The following CSMD1 variants were observed in gnomAD, a reference collection of about 807,000 sequenced individuals.
The protein encoded by CSMD1 is CUB and Sushi multiple domains 1, also known as CUB and sushi domain-containing protein 1.
Under a neutral mutation model 417.5 loss-of-function variants are expected in CSMD1, and 213 were observed. The observed-to-expected ratio is 0.51, with a 90% CI of 0.46 to 0.57. The LOEUF is 0.57. Among genes scored for constraint, CSMD1 ranks in the 20% least tolerant of loss-of-function variants. The probability of loss-of-function intolerance (pLI) is 0.00; values close to 1 mark genes in which losing one functional copy is unlikely to be tolerated. For synonymous variants in CSMD1, 2,862 were observed against 1,736.8 expected, an observed-to-expected ratio of 1.65 and a Z score of -16.11; for missense variants, 6,923 against 4,529.7, an observed-to-expected ratio of 1.53 and a Z score of -15.17.
At chr8:3,504,692 G>A (rs575598190) in intron 10 of CSMD1, among the ~76,000 whole-genome samples, 27 of 152,056 alleles carry the variant, frequency 1.8e-4, no homozygotes, top group East Asian at 1.7e-3. Context: ...TTGAATTCCC[G>A]GCAAATTTTA....
chr8:3,338,168 A>G, intron 23 of CSMD1, among the ~76,000 whole-genome samples: 1 of 152,294 alleles, frequency 6.6e-6, no homozygotes, highest in Admixed American at 6.5e-5. Flanking sequence ...CACAAGACAC[A>G]ACGTATTTGA....
chr8:4,255,094 C>T (rs1445846076), intron 3 of CSMD1, among the ~76,000 whole-genome samples: 1 of 152,086 alleles, frequency 6.6e-6, no homozygotes, highest in Non-Finnish European at 1.5e-5. Flanking sequence ...TGGTTTAACC[C>T]CTCGGTCTCT....
At chr8:3,879,752 C>T (rs369578812) in intron 5 of CSMD1, among the ~76,000 whole-genome samples, 1 of 152,084 alleles carries the variant, frequency 6.6e-6, no homozygotes, top group African/African-American at 2.4e-5. Flanking sequence ...TGGACTAGCA[C>T]GTTTTTCTAT....
intron 3 of CSMD1, among the ~76,000 whole-genome samples, chr8:4,352,732 G>C (rs868436317): frequency 6.6e-6 from 1 of 152,210 alleles, no homozygotes. Flanking sequence ...CCTCTGTTCT[G>C]AGATTTAAGA....
At chr8:4,321,086 A>G (rs929576127) in intron 3 of CSMD1, among the ~76,000 whole-genome samples, 2 of 152,194 alleles carry the variant, frequency 1.3e-5, no homozygotes, top group Non-Finnish European at 2.9e-5. Context: ...TCATACGCTT[A>G]TATTGAGTTT....
chr8:3,841,231 G>C (rs903684298), intron 5 of CSMD1, among the ~76,000 whole-genome samples: 4 of 152,076 alleles, frequency 2.6e-5, no homozygotes, highest in Non-Finnish European at 4.4e-5. Flanking sequence ...GTTTGGAAAG[G>C]TTTATATTGA....
At chr8:4,379,301 AGAAAGACAAG>A (rs1802950696) in intron 3 of CSMD1, among the ~76,000 whole-genome samples, 1 of 152,342 alleles carries the variant, frequency 6.6e-6, no homozygotes, top group Admixed American at 6.5e-5. Context: ...GTCAAGGTCA[AGAAAGACAAG>A]GAAAGACTAA....
intron 5 of CSMD1, among the ~76,000 whole-genome samples, chr8:3,943,955 T>C (rs566415363): frequency 5.3e-5 from 8 of 152,254 alleles, no homozygotes; most frequent in Admixed American, 2.0e-4. Context: ...TAGGTAAAAT[T>C]TGAATTAGGT....
At chr8:4,438,101 T>G (rs765599343) in intron 2 of CSMD1, among the ~76,000 whole-genome samples, 39 of 152,210 alleles carry the variant, frequency 2.6e-4, no homozygotes, top group Admixed American at 2.0e-4. Context: ...AAGTTCCTGC[T>G]GTTTCTAGCA....
rs146619431 is a variant in CSMD1, at chr8:4,266,778, A to G, written c.415+153175T>C. ...ATCTATAAATCCTCAAAATAGTAGCACAGAGAATCTAGATGAAAACTTAAA... is the reference window on the plus strand; with the variant it reads ...ATCTATAAATCCTCAAAATAGTAGCGCAGAGAATCTAGATGAAAACTTAAA... On this transcript the variant is annotated intron_variant, in intron 3 of 69. Coordinates refer to ENST00000635120, the MANE Select transcript of CSMD1 (RefSeq NM_033225.6). 6.4e-3 allele frequency among the ~76,000 whole-genome samples: 671 copies of G among 105,230 alleles called. 194 individuals carry two copies. Among genetic ancestry groups the G allele is most frequent in the Admixed American group, 0.056 (623 of 11,078 alleles). 69.0% of individuals were successfully genotyped at this position (105,230 alleles called of 152,430 possible).
At chr8:3,627,993 T>G (rs547146567) in intron 7 of CSMD1, among the ~76,000 whole-genome samples, 1 of 152,180 alleles carries the variant, frequency 6.6e-6, no homozygotes, top group South Asian at 2.1e-4. Flanking sequence ...ACCTTATATA[T>G]CTAATATGAA....
intron 5 of CSMD1, among the ~76,000 whole-genome samples, chr8:3,873,393 G>A (rs1251348108): frequency 2.6e-5 from 4 of 152,138 alleles, no homozygotes; most frequent in African/African-American, 7.2e-5. Flanking sequence ...ATGAGATCAT[G>A]TCCTTGGCAG....
intron 3 of CSMD1, among the ~76,000 whole-genome samples, chr8:4,042,135 A>G (rs1006449434): frequency 1.3e-5 from 2 of 152,188 alleles, no homozygotes; most frequent in African/African-American, 2.4e-5. Flanking sequence ...AATTACCTAA[A>G]AACTTCAAAA....
chr8:4,175,977 T>C (rs1798016790), intron 3 of CSMD1, among the ~76,000 whole-genome samples: 1 of 152,144 alleles, frequency 6.6e-6, no homozygotes, highest in Non-Finnish European at 1.5e-5. Context: ...CTTCTCTCAT[T>C]GTATTCTCTG....
intron 1 of CSMD1, among the ~76,000 whole-genome samples, chr8:4,956,639 C>G (rs1401306153): frequency 2.0e-5 from 3 of 151,638 alleles, no homozygotes; most frequent in Non-Finnish European, 4.4e-5. Flanking sequence ...CAGAAAATTA[C>G]TGGAGAAAAT....
intron 23 of CSMD1, among the ~76,000 whole-genome samples, chr8:3,334,058 A>G (rs1225195882): frequency 6.6e-6 from 1 of 152,216 alleles, no homozygotes; most frequent in Non-Finnish European, 1.5e-5. Flanking sequence ...ACTCATAGCC[A>G]GGGAGGTGAA....
intron 23 of CSMD1, among the ~76,000 whole-genome samples, chr8:3,314,730 T>C (rs1042168634): frequency 6.6e-6 from 1 of 152,214 alleles, no homozygotes; most frequent in African/African-American, 2.4e-5. Context: ...GTCTTAATAT[T>C]CTTAAGAATT....
At chr8:4,024,131 C>T (rs1329295698) in intron 4 of CSMD1, among the ~76,000 whole-genome samples, 1 of 151,766 alleles carries the variant, frequency 6.6e-6, no homozygotes, top group Admixed American at 6.6e-5. Flanking sequence ...GAGATGTTAC[C>T]AAAAATTAAA....
chr8:4,868,618 T>C (rs1243060826), intron 1 of CSMD1, among the ~76,000 whole-genome samples: 3 of 152,126 alleles, frequency 2.0e-5, no homozygotes, highest in Non-Finnish European at 4.4e-5. Context: ...TGAACAAGTG[T>C]TCAATCATCT....
Sources: gnomAD v4.1 joint callset for allele counts (sites outside exome capture counted in the v4.1 genomes callset) on GRCh38, gnomAD v4.1.1 for gene constraint, MANE v1.5 for transcripts, NCBI Gene and HGNC (gene_info 2026-07-23, HGNC 2026-07-21) for gene names.